Variants in ACACA observed in about 807,000 individuals in gnomAD.
ACACA encodes acetyl-CoA carboxylase 1.
Under a neutral mutation model 296.1 loss-of-function variants are expected in ACACA, and 103 were observed. The ratio of observed to expected loss-of-function variants is 0.35; its 90% CI spans 0.30 to 0.41. The LOEUF is 0.41. ACACA is among the 10% of genes least tolerant of loss of function. The pLI is 1.00. For synonymous variants in ACACA, 953 were observed against 1,038.6 expected, an observed-to-expected ratio of 0.92 and a Z score of 1.58; for missense variants, 1,554 against 2,989.7, an observed-to-expected ratio of 0.52 and a Z score of 11.20.
chr17:37,106,866 T>C (rs1383655005), intron 52 of ACACA, among the ~76,000 whole-genome samples: 2 of 152,188 alleles, frequency 1.3e-5, no homozygotes, highest in African/African-American at 4.8e-5. Flanking sequence ...CACTGCTTCC[T>C]TGGGGGAGGC....
chr17:37,303,812 C>A (rs1262489072), intron 3 of ACACA, among the ~76,000 whole-genome samples: 1 of 152,188 alleles, frequency 6.6e-6, no homozygotes, highest in South Asian at 2.1e-4. Context: ...GAGCCAAGAT[C>A]GCGCCATTGC....
At chr17:37,347,170 C>G (rs181827341) in intron 1 of ACACA, among the ~76,000 whole-genome samples, 1 of 152,108 alleles carries the variant, frequency 6.6e-6, no homozygotes, top group Non-Finnish European at 1.5e-5. Context: ...ATAAGTCTCA[C>G]GAGTTCTGAT....
intron 18 of ACACA, 21 bp downstream of exon 18, chr17:37,247,990 G>A (rs1046031854): frequency 4.3e-6 from 7 of 1,613,624 alleles, no homozygotes. Context: ...ACCAGCAAAT[G>A]GACCTCAAAC....
chr17:37,361,393 G>A (rs940357489), intron 1 of ACACA, among the ~76,000 whole-genome samples: 1 of 152,034 alleles, frequency 6.6e-6, no homozygotes. Flanking sequence ...GCAAAACCAG[G>A]GATTTACCCT....
At chr17:37,391,813 A>C (rs1315778189) in intron 1 of ACACA, 4 of 1,156,904 alleles carry the variant, frequency 3.5e-6, no homozygotes, top group Non-Finnish European at 5.2e-6. Flanking sequence ...TCACACTTGT[A>C]TCTTCAGCAG....
chr17:37,359,826 C>T (rs1366701557), intron 1 of ACACA, among the ~76,000 whole-genome samples: 3 of 152,140 alleles, frequency 2.0e-5, no homozygotes, highest in Non-Finnish European at 4.4e-5. Flanking sequence ...CCGTTTCGCT[C>T]CTCAGCCCCG....
chr17:37,401,625 T>C (rs980682478), intron 1 of ACACA, among the ~76,000 whole-genome samples: 1 of 150,250 alleles, frequency 6.7e-6, no homozygotes, highest in Non-Finnish European at 1.5e-5. Flanking sequence ...AGTGGCACAA[T>C]CACGGTCACT....
intron 51 of ACACA, among the ~76,000 whole-genome samples, chr17:37,111,965 GA>G (rs1179087448): frequency 6.6e-6 from 1 of 152,120 alleles, no homozygotes; most frequent in East Asian, 1.9e-4. Context: ...TTTTCCAGGG[GA>G]AAAAAATGCT....
chr17:37,406,637 A>G lies in ACACA; in HGVS notation c.-338T>C. 1 of 504,984 alleles carries G rather than the reference A, an allele frequency of 2.0e-6. No individual in the cohort carries two copies. The highest frequency in any genetic ancestry group is 3.6e-6 in the Non-Finnish European group (1 of 278,710). 31.3% of individuals were successfully genotyped at this position (504,984 alleles called of 1,614,324 possible). A position where few individuals can be genotyped will look rare whatever the true frequency, so the allele number is the denominator to read the frequency against. ...ACAGCCCCACGCGCCAGGAAGCCTCAGGCAACGGGCCACGCGCCACACGGG... is the reference window on the plus strand; with the variant it reads ...ACAGCCCCACGCGCCAGGAAGCCTCGGGCAACGGGCCACGCGCCACACGGG... On this transcript the variant is annotated 5_prime_UTR_variant, in exon 1 of 56. Coordinates refer to ENST00000616317, the MANE Select transcript of ACACA (RefSeq NM_198834.3).
chr17:37,363,165 CTCTT>C (rs1467440965), intron 1 of ACACA, among the ~76,000 whole-genome samples: 1 of 140,038 alleles, frequency 7.1e-6, no homozygotes, highest in Non-Finnish European at 1.5e-5. Flanking sequence ...TTTTTCTTTT[CTCTT>C]TCTCTTTTTC....
In ACACA at chr17:37,097,767, A is replaced by AAC. The variant is rs925011831; in HGVS notation, c.6720+61_6720+62dup. 1.6e-4 allele frequency: 250 copies of AAC among 1,566,694 alleles called. No individual in the cohort carries two copies. The highest frequency in any genetic ancestry group is 7.3e-4 in the South Asian group (65 of 88,950). On this transcript the variant is annotated intron_variant, in intron 53 of 55. Coordinates refer to ENST00000616317, the MANE Select transcript of ACACA (RefSeq NM_198834.3). The surrounding 1 kb of genome is among the most constrained non-coding windows in gnomAD (Gnocchi z 4.8). ...GCTCCCTGCTTATGAGCCTGTGTGC[A>AAC]ACACACACACACACTTGCCCACATG...
At chr17:37,330,139 G>C in intron 3 of ACACA, 34 bp downstream of exon 3, 1 of 1,613,110 alleles carries the variant, frequency 6.2e-7, no homozygotes, top group South Asian at 1.1e-5. Flanking sequence ...TAACAAGACA[G>C]ATTAAATAAG....
At chr17:37,161,735 C>T in intron 42 of ACACA, 46 bp downstream of exon 42, 1 of 1,599,554 alleles carries the variant, frequency 6.3e-7, no homozygotes, top group Non-Finnish European at 8.5e-7. Flanking sequence ...ACACATGTAG[C>T]ATAACCATAT....
intron 29 of ACACA, among the ~76,000 whole-genome samples, chr17:37,212,547 A>C (rs916796557): frequency 6.6e-6 from 1 of 152,194 alleles, no homozygotes; most frequent in African/African-American, 2.4e-5. Flanking sequence ...ATCTGTGGGG[A>C]TGTAAGGGAG....
chr17:37,116,167 A>AT (rs112139663), intron 50 of ACACA, among the ~76,000 whole-genome samples: 2,646 of 152,048 alleles, frequency 0.017, 85 homozygotes, highest in African/African-American at 0.061. Flanking sequence ...TAATTTTTGT[A>AT]TTTTTTGTAG....
chr17:37,264,032 T>C, intron 10 of ACACA, 138 bp from the exon 11 acceptor site: 1 of 688,600 alleles, frequency 1.5e-6, no homozygotes, highest in Non-Finnish European at 2.5e-6. Context: ...AATACAAAAC[T>C]GAATAAAATA....
At chr17:37,365,833 G>T in intron 1 of ACACA, 3 of 649,112 alleles carry the variant, frequency 4.6e-6, no homozygotes, top group Non-Finnish European at 5.7e-6. Context: ...TGGACACAGG[G>T]TTTTCACATG....
At chr17:37,232,499 G>A (rs1205841877) in intron 25 of ACACA, among the ~76,000 whole-genome samples, 2 of 152,118 alleles carry the variant, frequency 1.3e-5, no homozygotes, top group Non-Finnish European at 2.9e-5. Context: ...AGAGGAGGAG[G>A]GAGAGGAAGA....
At chr17:37,235,443 A>C (rs2080064033) in intron 24 of ACACA, among the ~76,000 whole-genome samples, 1 of 152,146 alleles carries the variant, frequency 6.6e-6, no homozygotes, top group African/African-American at 2.4e-5. Flanking sequence ...AAGATTGGGA[A>C]TAACTCAAAC....
Sources: allele counts gnomAD v4.1 joint callset (sites outside exome capture counted in the v4.1 genomes callset), GRCh38; gene constraint gnomAD v4.1.1; non-coding constraint Gnocchi (gnomAD v3.1); transcripts MANE v1.5; gene names NCBI Gene and HGNC (gene_info 2026-07-23, HGNC 2026-07-21).